Variants in DMD observed in about 807,000 individuals in gnomAD.
DMD encodes dystrophin.
In DMD, 63 loss-of-function variants were observed where a neutral mutation model predicts 330.1. The observed-to-expected ratio is 0.19, with a 90% CI of 0.16 to 0.24. The LOEUF is 0.24. Among genes scored for constraint, DMD ranks in the 10% least tolerant of loss-of-function variants. DMD has a pLI of 1.00. For synonymous variants in DMD, 1,223 were observed against 959.8 expected, an observed-to-expected ratio of 1.27 and a Z score of -5.07; for missense variants, 3,344 against 2,684.1, an observed-to-expected ratio of 1.25 and a Z score of -5.43.
At chrX:32,595,940 T>C in intron 12 of DMD, 64 bp from the exon 13 acceptor site, 1 of 980,920 alleles carries the variant, frequency 1.0e-6, no homozygotes, top group Non-Finnish European at 1.4e-6. Flanking sequence ...TGAAATGATT[T>C]GCTCTCAAAT....
At chrX:32,429,418 G>A (rs1444976237) in intron 29 of DMD, among the ~76,000 whole-genome samples, 1 of 18,615 alleles carries the variant, frequency 5.4e-5, no homozygotes, top group African/African-American at 2.4e-4. Flanking sequence ...TTTTGTATTT[G>A]TGGTAGAGAC....
intron 1 of DMD, among the ~76,000 whole-genome samples, chrX:33,260,942 A>G (rs2052944810): frequency 9.1e-6 from 1 of 110,438 alleles, no homozygotes; most frequent in Non-Finnish European, 1.9e-5. Flanking sequence ...AAATTACAAC[A>G]AAAGCGATCC....
chrX:32,892,712 A>C (rs903203848), intron 2 of DMD, among the ~76,000 whole-genome samples: 11 of 111,712 alleles, frequency 9.8e-5, no homozygotes, highest in African/African-American at 3.6e-4. Context: ...CCTTTCTTTC[A>C]TAACATTACA....
At chrX:32,553,302 A>T (rs1342436056) in intron 16 of DMD, among the ~76,000 whole-genome samples, 12 of 111,561 alleles carry the variant, frequency 1.1e-4, no homozygotes, top group African/African-American at 3.6e-4. Flanking sequence ...TCCTAAGCAA[A>T]CTAACACAAT....
intron 63 of DMD, among the ~76,000 whole-genome samples, chrX:31,229,425 G>C (rs1490399096): frequency 9.0e-6 from 1 of 111,460 alleles, no homozygotes; most frequent in Non-Finnish European, 1.9e-5. Context: ...TTTTGGAAAG[G>C]CCTAAGGTTT....
intron 53 of DMD, among the ~76,000 whole-genome samples, chrX:31,672,912 T>C (rs1202838536): frequency 8.9e-6 from 1 of 112,282 alleles, no homozygotes; most frequent in Non-Finnish European, 1.9e-5. Context: ...ATCACAGCCT[T>C]AGGAACCTGT....
In DMD at chrX:32,187,352, A is replaced by G. The variant is rs888103470; in HGVS notation, c.6438+29564T>C. On this transcript the variant is annotated intron_variant, in intron 44 of 78. Coordinates refer to ENST00000357033, the MANE Select transcript of DMD (RefSeq NM_004006.3). ...GTAGGAAGGTCATTCAGGGTCACTG[A>G]ATACATTTCTACCACAGGAAAGCAT... 5.4e-5 allele frequency among the ~76,000 whole-genome samples: 6 copies of G among 111,435 alleles called. No homozygotes were observed. The East Asian group carries it at 1.1e-3, about 21-fold the overall frequency.
chrX:33,320,825 G>A (rs963076581), intron 1 of DMD, among the ~76,000 whole-genome samples: 1 of 112,454 alleles, frequency 8.9e-6, no homozygotes, highest in East Asian at 2.8e-4. Context: ...AGCTAAGTAT[G>A]TGTAATATTC....
intron 44 of DMD, among the ~76,000 whole-genome samples, chrX:32,010,958 C>G (rs2095703837): frequency 8.9e-6 from 1 of 112,006 alleles, no homozygotes; most frequent in African/African-American, 3.2e-5. Context: ...GTTGGCAATT[C>G]AGGAAGGCTA....
chrX:31,361,681 CAG>C lies in DMD; in HGVS notation c.9085-13049_9085-13048del, dbSNP rs1345947875. 6.3e-5 allele frequency among the ~76,000 whole-genome samples: 7 copies of C among 110,955 alleles called. No homozygotes were observed. In the South Asian group the frequency reaches 2.7e-3, roughly 43 times the overall value. ...CATTTGTGATATAATCTTAATGATT[CAG>C]AGATTCCTGAGATTTCAAACAGTAT... On this transcript the variant is annotated intron_variant, in intron 60 of 78. Coordinates refer to ENST00000357033, the MANE Select transcript of DMD (RefSeq NM_004006.3).
At chrX:32,874,458 T>C (rs2083233541) in intron 2 of DMD, among the ~76,000 whole-genome samples, 2 of 111,647 alleles carry the variant, frequency 1.8e-5, no homozygotes, top group Admixed American at 9.6e-5. Context: ...CCTGGCTTGT[T>C]TGTGCAAGGA....
chrX:32,763,042 T>C lies in DMD; in HGVS notation c.649+46451A>G, dbSNP rs530546201. On this transcript the variant is annotated intron_variant, in intron 7 of 78. Coordinates refer to ENST00000357033, the MANE Select transcript of DMD (RefSeq NM_004006.3). The stretch of plus-strand genomic sequence containing the variant: ...ATGTCTCAGTTGACCTTATTTCTCC[T>C]GCATTAATGGGGTCATTTATATGAT... Among the ~76,000 whole-genome samples the C allele has an allele frequency of 2.7e-3, 300 of 111,090 alleles. 3 individuals are homozygous for C. Among genetic ancestry groups the C allele is most frequent in the African/African-American group, 9.4e-3 (288 of 30,679 alleles).
At chrX:31,526,090 C>A (rs950653705) in intron 55 of DMD, among the ~76,000 whole-genome samples, 8 of 112,313 alleles carry the variant, frequency 7.1e-5, no homozygotes, top group Non-Finnish European at 1.5e-4. Flanking sequence ...TTTGCTGTTA[C>A]AATCAGTGGT....
intron 28 of DMD, among the ~76,000 whole-genome samples, chrX:32,439,525 T>TAA (rs1415005621): frequency 1.8e-5 from 2 of 111,743 alleles, no homozygotes; most frequent in Non-Finnish European, 3.8e-5. Context: ...ATGGATACAT[T>TAA]ATTTTATAAG....
At chrX:31,351,045 C>T in intron 60 of DMD, among the ~76,000 whole-genome samples, 1 of 110,689 alleles carries the variant, frequency 9.0e-6, no homozygotes, top group Non-Finnish European at 1.9e-5. Flanking sequence ...AATCACACTA[C>T]CAATTTTCCT....
intron 44 of DMD, among the ~76,000 whole-genome samples, chrX:31,982,383 G>A (rs1314268390): frequency 9.0e-6 from 1 of 111,163 alleles, no homozygotes; most frequent in Non-Finnish European, 1.9e-5. Context: ...GGTGACAATG[G>A]GTCTCCTTTC....
chrX:31,757,405 G>A (rs762936886), intron 51 of DMD, among the ~76,000 whole-genome samples: 4 of 112,137 alleles, frequency 3.6e-5, no homozygotes, highest in Non-Finnish European at 7.5e-5. Context: ...CCAGCTGCTA[G>A]GAGTGCTGCT....
intron 1 of DMD, among the ~76,000 whole-genome samples, chrX:33,133,579 G>A (rs966923908): frequency 9.0e-5 from 10 of 111,388 alleles, no homozygotes; most frequent in African/African-American, 2.9e-4. Flanking sequence ...AGAGGTTACC[G>A]AGCTTTCTCA....
At chrX:31,782,551 G>A (rs187649947) in intron 50 of DMD, among the ~76,000 whole-genome samples, 3 of 109,294 alleles carry the variant, frequency 2.7e-5, no homozygotes, top group Non-Finnish European at 3.8e-5. Flanking sequence ...CAAAAGAATC[G>A]CCTCGATGAA....
Sources: gnomAD v4.1 joint callset for allele counts (sites outside exome capture counted in the v4.1 genomes callset) on GRCh38, gnomAD v4.1.1 for gene constraint, MANE v1.5 for transcripts, NCBI Gene and HGNC (gene_info 2026-07-23, HGNC 2026-07-21) for gene names.